The following PDE8B variants were observed in gnomAD, a reference collection of about 807,000 sequenced individuals.
The protein encoded by PDE8B is phosphodiesterase 8B.
A neutral mutation model predicts 101.3 loss-of-function variants in PDE8B; 26 were observed. The observed-to-expected ratio is 0.26, with a 90% CI of 0.19 to 0.36. The LOEUF (loss-of-function observed/expected upper bound fraction) is 0.36. Ranked by LOEUF, PDE8B falls within the 10% of genes least tolerant of loss-of-function variation. The probability of loss-of-function intolerance (pLI) is 1.00; values close to 1 mark genes in which losing one functional copy is unlikely to be tolerated. For synonymous variants in PDE8B, 424 were observed against 429.3 expected, an observed-to-expected ratio of 0.99 and a Z score of 0.15; for missense variants, 810 against 1,163.1, an observed-to-expected ratio of 0.70 and a Z score of 4.42.
the PDE8B span, among the ~76,000 whole-genome samples, chr5:77,185,108 C>T: frequency 6.6e-6 from 1 of 152,172 alleles, no homozygotes; most frequent in African/African-American, 2.4e-5. Flanking sequence ...TATTTACAGT[C>T]TTTTGGTAAG....
intron 1 of PDE8B, among the ~76,000 whole-genome samples, chr5:77,220,766 G>T (rs1216272825): frequency 6.6e-6 from 1 of 152,216 alleles, no homozygotes; most frequent in African/African-American, 2.4e-5. Flanking sequence ...TTTAATTAGA[G>T]GCTGATGAAG....
the PDE8B span, among the ~76,000 whole-genome samples, chr5:77,179,324 C>T: frequency 9.4e-3 from 1,436 of 152,276 alleles, 8 homozygotes; most frequent in Middle Eastern, 0.017. Flanking sequence ...ATGAGAAAGT[C>T]AGCAGGAACA....
chr5:77,303,851 A>G (rs1246102159), intron 1 of PDE8B, among the ~76,000 whole-genome samples: 2 of 152,212 alleles, frequency 1.3e-5, no homozygotes, highest in African/African-American at 2.4e-5. Context: ...TAAGATTCAT[A>G]AGTTTTAAAT....
At chr5:77,291,734 G>A (rs1767395054) in intron 1 of PDE8B, 2 of 1,591,360 alleles carry the variant, frequency 1.3e-6, no homozygotes, top group Non-Finnish European at 1.7e-6. Flanking sequence ...AACAGTACAT[G>A]AGAAGGTCTA....
At chr5:77,219,324 G>A (rs1750561571) in intron 1 of PDE8B, among the ~76,000 whole-genome samples, 1 of 152,138 alleles carries the variant, frequency 6.6e-6, no homozygotes, top group Non-Finnish European at 1.5e-5. Flanking sequence ...CTCTCAAATA[G>A]GAAGATGTAA....
intron 1 of PDE8B, among the ~76,000 whole-genome samples, chr5:77,232,176 C>T (rs1021432715): frequency 6.6e-6 from 1 of 152,200 alleles, no homozygotes. Flanking sequence ...GAAAAACATC[C>T]ATTTTTCATA....
At chr5:77,390,471 AAC>A (rs1169216607) in intron 10 of PDE8B, among the ~76,000 whole-genome samples, 2 of 152,176 alleles carry the variant, frequency 1.3e-5, no homozygotes, top group South Asian at 4.1e-4. Flanking sequence ...TTTCCCCAGT[AAC>A]ACACAAAATC....
At chr5:77,152,731 C>A in the PDE8B span, among the ~76,000 whole-genome samples, 1 of 152,186 alleles carries the variant, frequency 6.6e-6, no homozygotes, top group Non-Finnish European at 1.5e-5. Context: ...TGATCCCCTT[C>A]ACAGAGGCTG....
chr5:77,230,576 C>T (rs573461236), intron 1 of PDE8B, among the ~76,000 whole-genome samples: 24 of 152,296 alleles, frequency 1.6e-4, no homozygotes, highest in Non-Finnish European at 3.4e-4. Context: ...AAGCGATTCT[C>T]CTGCCTCAGC....
intron 1 of PDE8B, among the ~76,000 whole-genome samples, chr5:77,256,155 A>T (rs549565738): frequency 6.6e-6 from 1 of 152,130 alleles, no homozygotes; most frequent in Admixed American, 6.6e-5. Flanking sequence ...AGCAATTTGT[A>T]TTTTTTTGCA....
intron 1 of PDE8B, chr5:77,290,827 G>T: frequency 2.6e-6 from 4 of 1,511,642 alleles, no homozygotes; most frequent in Non-Finnish European, 3.7e-6. Flanking sequence ...GGAAATGTCT[G>T]CCTCTGGAAA....
intron 17 of PDE8B, among the ~76,000 whole-genome samples, chr5:77,414,273 A>G (rs932118440): frequency 6.6e-6 from 1 of 152,210 alleles, no homozygotes; most frequent in Admixed American, 6.5e-5. Flanking sequence ...CAAGGAAACA[A>G]TGTGGCCCAA....
At position 77,349,600 on chromosome 5, in the gene PDE8B, C is replaced by T. The variant is rs200357773; in HGVS notation, c.1017+41C>T. On this transcript the variant is annotated intron_variant, in intron 8 of 21. Transcript: ENST00000264917. ...AAAACCAATCCACGAACCCTCTCCC[C>T]AATGCACTTTTTTTTCTGAGTTTTA... The T allele has an allele frequency of 3.1e-6, 5 of 1,610,462 alleles. No individual in the cohort carries two copies. In the East Asian group the frequency reaches 8.9e-5, roughly 29 times the overall value.
the PDE8B span, chr5:77,119,668 A>AG: frequency 6.5e-6 from 1 of 153,470 alleles, no homozygotes; most frequent in Non-Finnish European, 1.4e-5. Context: ...AAAAAAAAAA[A>AG]AAAAAAAAAG....
At chr5:77,331,196 T>C in intron 4 of PDE8B, 1 of 662,682 alleles carries the variant, frequency 1.5e-6, no homozygotes, top group Non-Finnish European at 2.8e-6. Context: ...GCTGGAGCTT[T>C]CTCTGCTGTT....
At chr5:77,159,259 C>A in the PDE8B span, among the ~76,000 whole-genome samples, 1 of 152,168 alleles carries the variant, frequency 6.6e-6, no homozygotes, top group Admixed American at 6.5e-5. Flanking sequence ...AGTATTGATT[C>A]TGGGTGTGTC....
chr5:77,207,455 A>C (rs894185039), upstream of PDE8B, among the ~76,000 whole-genome samples: 3 of 152,190 alleles, frequency 2.0e-5, no homozygotes. Flanking sequence ...TTGTTTTACA[A>C]TATGTTTCTG....
At chr5:77,156,547 A>G in the PDE8B span, among the ~76,000 whole-genome samples, 1 of 152,210 alleles carries the variant, frequency 6.6e-6, no homozygotes, top group Non-Finnish European at 1.5e-5. Context: ...TTATGCCCAG[A>G]GCTGAGGATG....
chr5:77,357,094 C>T (rs1000676101), intron 10 of PDE8B, among the ~76,000 whole-genome samples: 1 of 152,148 alleles, frequency 6.6e-6, no homozygotes, highest in East Asian at 1.9e-4. Flanking sequence ...ATGCAGGGCC[C>T]CTTTCAATCA....
Sources: gnomAD v4.1 joint callset for allele counts (sites outside exome capture counted in the v4.1 genomes callset) on GRCh38, gnomAD v4.1.1 for gene constraint, MANE v1.5 for transcripts, NCBI Gene and HGNC (gene_info 2026-07-23, HGNC 2026-07-21) for gene names.